DBT: variants seen among roughly 807,000 people sequenced by gnomAD.
DBT encodes the protein lipoamide acyltransferase component of branched-chain alpha-keto acid dehydrogenase complex, mitochondrial.
A neutral mutation model predicts 51.3 loss-of-function variants in DBT; 40 were observed. That is an observed-to-expected ratio of 0.78 (90% CI 0.61 to 1.02). The LOEUF (loss-of-function observed/expected upper bound fraction) is 1.02. DBT is among the 50% of genes least tolerant of loss of function. The probability of loss-of-function intolerance (pLI) is 0.00; values close to 1 mark genes in which losing one functional copy is unlikely to be tolerated. For synonymous variants in DBT, 181 were observed against 190.4 expected (o/e 0.95, Z 0.41); for missense variants, 510 against 580.2 (o/e 0.88, Z 1.24).
chr1:100,212,147 A>T (rs1662186563), intron 7 of DBT, among the ~76,000 whole-genome samples: 1 of 152,234 alleles, frequency 6.6e-6, no homozygotes, highest in African/African-American at 2.4e-5. Flanking sequence ...CCCTAAGGTT[A>T]GTCTAAACTG....
rs2100797292 is a variant in DBT, at chr1:100,214,893, A to T, written c.863T>A (p.Val288Asp). The T allele has an allele frequency of 6.2e-7, 1 of 1,614,090 alleles. No homozygotes were observed. The highest frequency in any genetic ancestry group is 2.2e-5 in the East Asian group (1 of 44,880). Residue 288 changes from valine to aspartate, a missense_variant, in exon 7 of 11, where the codon GTT (valine) becomes GAT (aspartate). Transcript: ENST00000370132. The part of the protein sequence containing the change: ...YCDEIDLTEL[V>D]KLREELKPIA... Reference sequence around the variant, plus strand: ...GGGTTTTAATTCTTCTCGGAGCTTAACCAGTTCAGTAAGGTCAATCTCATC... The same window carrying T: ...GGGTTTTAATTCTTCTCGGAGCTTATCCAGTTCAGTAAGGTCAATCTCATC...
At position 100,191,472 on chromosome 1, in the gene DBT, T is replaced by A. The variant is rs1331835355; in HGVS notation, c.*4783A>T. On this transcript the variant is annotated 3_prime_UTR_variant, in exon 11 of 11. Transcript: ENST00000370132. ...CATTAAAGAACTCTCTTAGAAAAAT[T>A]CATAATTTAACACGAACTGAGGTGG... The A allele has an allele frequency of 6.6e-6, 1 of 151,960 alleles. No individual in the cohort carries two copies. The highest frequency in any genetic ancestry group is 1.5e-5 in the Non-Finnish European group (1 of 67,974). 9.4% of individuals were successfully genotyped at this position (151,960 alleles called of 1,614,324 possible). A position where few individuals can be genotyped will look rare whatever the true frequency, so the allele number is the denominator to read the frequency against.
intron 1 of DBT, among the ~76,000 whole-genome samples, chr1:100,243,378 G>A (rs1230950702): frequency 1.3e-5 from 2 of 149,894 alleles, no homozygotes. Flanking sequence ...GCAGTGGCAC[G>A]ATCTCAGCTT....
At chr1:100,240,468 T>C (rs1477315631) in intron 2 of DBT, among the ~76,000 whole-genome samples, 1 of 152,088 alleles carries the variant, frequency 6.6e-6, no homozygotes, top group African/African-American at 2.4e-5. Context: ...GTTCAGGTTA[T>C]AGTGAGCTGT....
At chr1:100,227,592 G>T (rs537234742) in intron 4 of DBT, among the ~76,000 whole-genome samples, 32 of 152,224 alleles carry the variant, frequency 2.1e-4, no homozygotes, top group African/African-American at 7.5e-4. Context: ...TAGTGTCAAA[G>T]CTAACACTAC....
intron 7 of DBT, chr1:100,211,169 G>A (rs762542697): frequency 5.2e-6 from 4 of 774,590 alleles, no homozygotes; most frequent in African/African-American, 1.7e-5. Flanking sequence ...ATTTCTCTGT[G>A]TGGAAAGAAC....
chr1:100,221,305 C>G (rs911735123), intron 4 of DBT, among the ~76,000 whole-genome samples: 1 of 152,142 alleles, frequency 6.6e-6, no homozygotes, highest in African/African-American at 2.4e-5. Context: ...TACCACCTTA[C>G]TACACAGCAG....
chr1:100,206,339 T>A (rs1346356508), intron 9 of DBT, 38 bp from the exon 10 acceptor site: 13 of 1,588,874 alleles, frequency 8.2e-6, no homozygotes, highest in Non-Finnish European at 1.0e-5. Context: ...GTATTAAAAG[T>A]TAAGATTTTT....
intron 7 of DBT, chr1:100,213,725 T>A (rs1348462060): frequency 1.3e-6 from 2 of 1,572,086 alleles, no homozygotes; most frequent in African/African-American, 2.7e-5. Context: ...CTAATGTAAA[T>A]GTTGTGTTCA....
intron 10 of DBT, among the ~76,000 whole-genome samples, chr1:100,203,555 A>AG (rs1661575961): frequency 6.6e-6 from 1 of 152,200 alleles, no homozygotes; most frequent in Admixed American, 6.5e-5. Flanking sequence ...TTCTGAAACT[A>AG]TTCCAAACAA....
In DBT at chr1:100,196,126, G is replaced by T; in HGVS notation, c.*129C>A. On this transcript the variant is annotated 3_prime_UTR_variant, in exon 11 of 11. Coordinates refer to ENST00000370132, the MANE Select transcript of DBT (RefSeq NM_001918.5). ...CTAATAGAACAGTGACAAATATTGT[G>T]CCTTAGATCCTTAATCATACGATAC... The T allele has an allele frequency of 2.4e-6, 2 of 834,120 alleles. No individual in the cohort carries two copies. The highest frequency in any genetic ancestry group is 4.0e-6 in the Non-Finnish European group (2 of 500,078). 51.7% of individuals were successfully genotyped at this position (834,120 alleles called of 1,614,324 possible). A position where few individuals can be genotyped will look rare whatever the true frequency, so the allele number is the denominator to read the frequency against.
chr1:100,242,675 T>C (rs1240540085), intron 1 of DBT, among the ~76,000 whole-genome samples: 1 of 152,172 alleles, frequency 6.6e-6, no homozygotes, highest in African/African-American at 2.4e-5. Context: ...GTCCTTGCTT[T>C]CTCCTTCAGC....
intron 10 of DBT, among the ~76,000 whole-genome samples, chr1:100,197,381 A>C (rs1056580002): frequency 2.0e-5 from 3 of 152,282 alleles, no homozygotes; most frequent in Middle Eastern, 3.4e-3. Flanking sequence ...CTGAAAGAGG[A>C]CGACTTTAGG....
rs140659494 is a variant in DBT, at chr1:100,210,733, G to A, written c.978C>T (p.Asn326=). The A allele has an allele frequency of 2.7e-5, 43 of 1,613,162 alleles. No individual in the cohort carries two copies. Among genetic ancestry groups the A allele is most frequent in the Admixed American group, 2.0e-4 (12 of 59,998 alleles). ...TCTGGCAGTTTTCATCCACAGAAGCGTTAAGGATAGGAAACTGTAGTAATC... is the reference window on the plus strand; with the variant it reads ...TCTGGCAGTTTTCATCCACAGAAGCATTAAGGATAGGAAACTGTAGTAATC... ...SLGLLQFPIL[N]ASVDENCQNI... The change falls in exon 8 of 11, where the codon AAC becomes AAT. Residue 326 remains asparagine (N), a synonymous_variant. Coordinates refer to ENST00000370132, the MANE Select transcript of DBT (RefSeq NM_001918.5).
chr1:100,205,176 G>A (rs1277171188), intron 10 of DBT, among the ~76,000 whole-genome samples: 1 of 152,140 alleles, frequency 6.6e-6, no homozygotes, highest in Non-Finnish European at 1.5e-5. Context: ...GCAACCTACA[G>A]AATGGGAGAA....
At chr1:100,240,221 C>T (rs1664130937) in intron 2 of DBT, among the ~76,000 whole-genome samples, 1 of 152,198 alleles carries the variant, frequency 6.6e-6, no homozygotes, top group Non-Finnish European at 1.5e-5. Context: ...TTTCAACAAA[C>T]AATACCACAA....
chr1:100,213,706 T>A (rs1241205138), intron 7 of DBT: 1 of 1,589,510 alleles, frequency 6.3e-7, no homozygotes, highest in Non-Finnish European at 8.5e-7. Context: ...TACACCCAGC[T>A]CTCTTTTTCT....
intron 6 of DBT, among the ~76,000 whole-genome samples, chr1:100,215,225 A>G (rs1226807287): frequency 6.6e-6 from 1 of 152,204 alleles, no homozygotes; most frequent in Non-Finnish European, 1.5e-5. Context: ...ACTGCTTTAA[A>G]TGCTGTGTTA....
At chr1:100,233,935 T>C (rs998690222) in intron 3 of DBT, among the ~76,000 whole-genome samples, 6 of 152,234 alleles carry the variant, frequency 3.9e-5, no homozygotes, top group African/African-American at 1.4e-4. Flanking sequence ...AGTATAAGCC[T>C]GCCAGGGCAA....
Sources: allele counts gnomAD v4.1 joint callset (sites outside exome capture counted in the v4.1 genomes callset), GRCh38; gene constraint gnomAD v4.1.1; transcripts MANE v1.5; gene names NCBI Gene and HGNC (gene_info 2026-07-23, HGNC 2026-07-21).